Variants in CWH43 observed in about 807,000 individuals in gnomAD.
The protein encoded by CWH43 is PGAP2-interacting protein.
Under a neutral mutation model 85.7 loss-of-function variants are expected in CWH43, and 91 were observed. The observed-to-expected ratio is 1.06, with a 90% CI of 0.90 to 1.26. The LOEUF (loss-of-function observed/expected upper bound fraction) is 1.26. CWH43 is among the 50% of genes most tolerant of loss of function. CWH43 has a pLI of 0.00. For missense variants in CWH43, 869 were observed against 839.2 expected (o/e 1.04, Z -0.44); for synonymous variants, 323 against 293.6 (o/e 1.10, Z -1.02).
chr4:49,045,867 T>C (rs1784608051), intron 14 of CWH43, among the ~76,000 whole-genome samples: 1 of 152,198 alleles, frequency 6.6e-6, no homozygotes, highest in Admixed American at 6.5e-5. Flanking sequence ...TATCATTTCT[T>C]TGTTGTAAGA....
chr4:49,040,482 T>G (rs1257678024), intron 13 of CWH43, among the ~76,000 whole-genome samples: 1 of 152,214 alleles, frequency 6.6e-6, no homozygotes, highest in Non-Finnish European at 1.5e-5. Flanking sequence ...TGATTTGCAT[T>G]TCTCTGATGG....
chr4:49,044,971 A>G (rs995263746), intron 14 of CWH43, 124 bp downstream of exon 14: 67 of 688,282 alleles, frequency 9.7e-5, no homozygotes, highest in African/African-American at 8.7e-4. Flanking sequence ...AAAAGCAATC[A>G]ATGTTTATAA....
Position 48,988,649 on chromosome 4 carries a change from G to T in CWH43, c.216G>T (p.Leu72=). 1.2e-6 allele frequency: 2 copies of T among 1,605,676 alleles called. No individual in the cohort carries two copies. Among genetic ancestry groups the T allele is most frequent in the African/African-American group, 1.3e-5 (1 of 74,590 alleles). The change falls in exon 2 of 16, where the codon CTG becomes CTT. Residue 72 remains leucine, a synonymous_variant. Coordinates refer to ENST00000226432, the MANE Select transcript of CWH43 (RefSeq NM_025087.3). ...TTAACAAGAAGTGGATGCTAACCCT[G>T]CTGAGGATAATCACTATTGGTAAGA... ...KLVNKKWMLT[L]LRIITIGSIA... is the part of the protein sequence containing the mutation.
intron 7 of CWH43, among the ~76,000 whole-genome samples, chr4:49,006,971 G>A (rs1470830771): frequency 6.6e-6 from 1 of 152,122 alleles, no homozygotes; most frequent in Admixed American, 6.6e-5. Flanking sequence ...AATATGTATC[G>A]GGAAAAGGCT....
chr4:48,987,977 G>T (rs1679796238), intron 1 of CWH43, among the ~76,000 whole-genome samples: 1 of 152,112 alleles, frequency 6.6e-6, no homozygotes, highest in African/African-American at 2.4e-5. Context: ...GGTCCTGACG[G>T]GATGCCAAAT....
intron 5 of CWH43, among the ~76,000 whole-genome samples, chr4:48,996,763 A>G (rs572739539): frequency 6.6e-6 from 1 of 152,324 alleles, no homozygotes; most frequent in South Asian, 2.1e-4. Flanking sequence ...CTTTACTCAC[A>G]AGAAGAATGT....
chr4:49,030,873 TG>T lies in CWH43; in HGVS notation c.1425del (p.Asn476ThrfsTer4), dbSNP rs1784073399. On this transcript the variant is annotated frameshift_variant, in exon 11 of 16. Coordinates refer to ENST00000226432, the MANE Select transcript of CWH43 (RefSeq NM_025087.3). LOFTEE classifies it high-confidence loss of function. ...ILESDASKPYMGNNDLTMWLG... is the reference protein window; with the variant it reads ...ILESDASKPYXGNNDLTMWLG... ...GAGAGTGATGCTTCTAAGCCCTATATGGGGAACAATGACTTAACCATGTGGC... is the reference window on the plus strand; with the variant it reads ...GAGAGTGATGCTTCTAAGCCCTATATGGGAACAATGACTTAACCATGTGGC... 1.5e-5 allele frequency: 24 copies of T among 1,609,264 alleles called. No individual in the cohort carries two copies. The highest frequency in any genetic ancestry group is 2.0e-5 in the Non-Finnish European group (24 of 1,178,372).
chr4:48,996,073 G>A (rs1782802206), intron 5 of CWH43, among the ~76,000 whole-genome samples: 1 of 151,398 alleles, frequency 6.6e-6, no homozygotes, highest in Admixed American at 6.6e-5. Flanking sequence ...CTTCACCTGA[G>A]TCGAACCCAC....
chr4:49,024,293 A>G (rs1416513382), intron 9 of CWH43, among the ~76,000 whole-genome samples: 1 of 152,192 alleles, frequency 6.6e-6, no homozygotes, highest in Non-Finnish European at 1.5e-5. Flanking sequence ...AATTCTTACC[A>G]GTTCTGCATT....
At chr4:49,007,554 C>T (rs1192652881) in intron 8 of CWH43, among the ~76,000 whole-genome samples, 1 of 152,080 alleles carries the variant, frequency 6.6e-6, no homozygotes, top group Non-Finnish European at 1.5e-5. Flanking sequence ...TATACATGTG[C>T]CATGTTGGTT....
chr4:49,046,098 TGTAA>T (rs1195344899), intron 14 of CWH43, among the ~76,000 whole-genome samples: 5 of 152,138 alleles, frequency 3.3e-5, no homozygotes, highest in Non-Finnish European at 7.3e-5. Context: ...ATTATTATAC[TGTAA>T]GTTTTAGGGT....
At chr4:49,003,117 T>C (rs887037290) in intron 6 of CWH43, among the ~76,000 whole-genome samples, 1 of 152,176 alleles carries the variant, frequency 6.6e-6, no homozygotes, top group African/African-American at 2.4e-5. Flanking sequence ...ATTTACAGAG[T>C]GCCTGCTGTG....
intron 15 of CWH43, among the ~76,000 whole-genome samples, chr4:49,054,291 A>G (rs1363577633): frequency 6.6e-6 from 1 of 152,068 alleles, no homozygotes; most frequent in African/African-American, 2.4e-5. Flanking sequence ...TGTTTGGGGT[A>G]CCTTTGTCAA....
At chr4:49,049,860 C>T (rs902325704) in intron 14 of CWH43, among the ~76,000 whole-genome samples, 20 of 152,274 alleles carry the variant, frequency 1.3e-4, no homozygotes, top group African/African-American at 4.6e-4. Flanking sequence ...TCTTACACTG[C>T]ATTCACCCCA....
chr4:49,051,958 A>G (rs928616025), intron 15 of CWH43, among the ~76,000 whole-genome samples: 1 of 152,220 alleles, frequency 6.6e-6, no homozygotes, highest in African/African-American at 2.4e-5. Flanking sequence ...CCATGACTGG[A>G]TAATGAGAGG....
chr4:49,052,006 T>C (rs1343478153), intron 15 of CWH43, among the ~76,000 whole-genome samples: 2 of 152,188 alleles, frequency 1.3e-5, no homozygotes, highest in East Asian at 3.8e-4. Context: ...ACATATCGTA[T>C]ACATTATTAT....
At chr4:49,019,379 ACTGAGGGAGAACGACAC>A (rs1783667044) in intron 9 of CWH43, among the ~76,000 whole-genome samples, 1 of 152,084 alleles carries the variant, frequency 6.6e-6, no homozygotes, top group South Asian at 2.1e-4. Context: ...CATATAAAGG[ACTGAGGGAGAACGACAC>A]CTGGTGTGTT....
At chr4:49,008,426 T>A (rs1310879494) in intron 8 of CWH43, among the ~76,000 whole-genome samples, 1 of 152,098 alleles carries the variant, frequency 6.6e-6, no homozygotes, top group Admixed American at 6.6e-5. Context: ...TCTGTAGGTT[T>A]CCTGTTCACT....
Position 49,003,885 on chromosome 4 carries a change from T to C in CWH43, c.953T>C (p.Ile318Thr). Residue 318 changes from isoleucine to threonine, a missense_variant, in exon 7 of 16, where the codon ATT becomes ACT. By Grantham distance (89) the Ile-to-Thr change is moderately conservative (BLOSUM62 -1). Coordinates refer to ENST00000226432, the MANE Select transcript of CWH43 (RefSeq NM_025087.3). ...ACAAACCCTGGGAAAACCATGACCA[T>C]TGCCATGATATTTTATCTTCTAGAA... ...SGTNPGKTMT[I>T]AMIFYLLEIF... 6.2e-7 allele frequency: 1 copy of C among 1,613,972 alleles called. No individual in the cohort carries two copies. The highest frequency in any genetic ancestry group is 8.5e-7 in the Non-Finnish European group (1 of 1,179,910).
Sources: gnomAD v4.1 joint callset for allele counts (sites outside exome capture counted in the v4.1 genomes callset) on GRCh38, gnomAD v4.1.1 for gene constraint, MANE v1.5 for transcripts, NCBI Gene and HGNC (gene_info 2026-07-23, HGNC 2026-07-21) for gene names.